The following ZDHHC11 variants were observed in gnomAD, a reference collection of about 807,000 sequenced individuals.
ZDHHC11 encodes the protein zDHHC palmitoyltransferase 11.
Under a neutral mutation model 51.3 loss-of-function variants are expected in ZDHHC11, and 44 were observed. The ratio of observed to expected loss-of-function variants is 0.86; its 90% CI spans 0.67 to 1.10. The LOEUF (loss-of-function observed/expected upper bound fraction) is 1.10. ZDHHC11 is among the 50% of genes least tolerant of loss of function. The pLI, the probability that ZDHHC11 is intolerant of heterozygous loss-of-function variation, is 0.00. For missense variants in ZDHHC11, 400 were observed against 537.7 expected, an observed-to-expected ratio of 0.74 and a Z score of 2.53; for synonymous variants, 163 against 222.0, an observed-to-expected ratio of 0.73 and a Z score of 2.36.
chr5:841,300 G>A, intron 4 of ZDHHC11: 1 of 997,814 alleles, frequency 1.0e-6, no homozygotes, highest in East Asian at 1.1e-4. Context: ...CTTACTAAGT[G>A]CCAGGGTCAC....
At chr5:829,134 G>T (rs1579667484) in intron 7 of ZDHHC11, among the ~76,000 whole-genome samples, 1 of 141,396 alleles carries the variant, frequency 7.1e-6, no homozygotes, top group African/African-American at 2.6e-5. Context: ...CAGAAGAAAA[G>T]TAATAACGAA....
intron 4 of ZDHHC11, chr5:840,912 C>G (rs1744750196): frequency 5.7e-6 from 8 of 1,414,902 alleles, no homozygotes; most frequent in Non-Finnish European, 7.4e-6. Context: ...GTCACAGTGC[C>G]CACCCCTTCC....
rs1031144536 is a variant in ZDHHC11 at position 821,529 on chromosome 5, C to T, written c.1058+332G>A. ...ATCAAGTGAAAGCGTGCAGGGCTCA[C>T]GGCAGACAGGAGACAGGGCTGATGT... is the stretch of plus-strand genomic sequence containing the variant. On this transcript the variant is annotated intron_variant, in intron 9 of 12. Transcript: ENST00000283441. Among the ~76,000 whole-genome samples the T allele has an allele frequency of 3.6e-4, 55 of 151,474 alleles. 1 individual carries two copies. The highest frequency in any genetic ancestry group is 1.3e-3 in the African/African-American group (53 of 41,370).
intron 1 of ZDHHC11, among the ~76,000 whole-genome samples, chr5:856,298 CACAAG>C (rs1560873152): frequency 6.8e-6 from 1 of 146,592 alleles, no homozygotes; most frequent in African/African-American, 2.7e-5. Flanking sequence ...ACAACACACA[CACAAG>C]ACACCACACA....
At chr5:852,813 A>G (rs568793666), upstream of ZDHHC11, among the ~76,000 whole-genome samples, 7 of 148,852 alleles carry the variant, frequency 4.7e-5, no homozygotes, top group African/African-American at 1.5e-4. Flanking sequence ...CAGCGGGGAC[A>G]GACCCCACGG....
At chr5:804,540 A>G (rs1470858325) in intron 11 of ZDHHC11, among the ~76,000 whole-genome samples, 2 of 151,340 alleles carry the variant, frequency 1.3e-5, no homozygotes, top group Admixed American at 6.6e-5. Context: ...AAAGATCTAC[A>G]CCAAGACACA....
In ZDHHC11 at chr5:840,500, T is replaced by C. The variant is rs1348905474; in HGVS notation, c.779A>G (p.Tyr260Cys). 1.9e-6 allele frequency: 3 copies of C among 1,613,560 alleles called. No homozygotes were observed. Among genetic ancestry groups the C allele is most frequent in the Non-Finnish European group, 2.5e-6 (3 of 1,179,874 alleles). Residue 260 changes from tyrosine to cysteine, a missense_variant, in exon 5 of 13, where the codon TAC (tyrosine) becomes TGC (cysteine). Tyr to Cys is a radical substitution (Grantham distance 194). This residue lies in a region of ZDHHC11 where 231 missense variants were observed against 227.4 expected (regional missense o/e 1.02). Transcript: ENST00000283441. The stretch of plus-strand genomic sequence containing the variant: ...GCTTAGGGTGGGGGACATACTCAGG[T>C]AGATGTGGAAGATGAGCAGCTGGCC... ...HLGQLLIFHI[Y>C]LKAKKMTTFE...
intron 5 of ZDHHC11, chr5:840,205 G>C (rs1396098264): frequency 5.8e-6 from 4 of 693,608 alleles, no homozygotes; most frequent in Non-Finnish European, 1.1e-5. Flanking sequence ...TTTTAAACTT[G>C]TTACTTCAAG....
chr5:857,842 TTA>T (rs1187940052), intron 1 of ZDHHC11, among the ~76,000 whole-genome samples: 3 of 147,520 alleles, frequency 2.0e-5, no homozygotes, highest in Admixed American at 6.7e-5. Context: ...CATCCTGTCT[TTA>T]TGACACCAGG....
chr5:802,169 G>A lies in ZDHHC11; in HGVS notation c.1182-1005C>T, dbSNP rs192830099. On this transcript the variant is annotated intron_variant, in intron 11 of 12. Coordinates refer to ENST00000283441, the MANE Select transcript of ZDHHC11 (RefSeq NM_024786.3). ...TAGCTGGGGGACTTGTAGGCTGAGCGGCCAGGCAGTGACTGCTGCTGCAAG... is the reference window on the plus strand; with the variant it reads ...TAGCTGGGGGACTTGTAGGCTGAGCAGCCAGGCAGTGACTGCTGCTGCAAG... 8.6e-5 allele frequency among the ~76,000 whole-genome samples: 13 copies of A among 151,298 alleles called. No individual in the cohort carries two copies. The East Asian group carries it at 9.6e-4, about 11-fold the overall frequency.
rs865840901 is a variant in ZDHHC11, at chr5:850,838, C to A, written c.-236G>T. 2.2e-4 allele frequency: 129 copies of A among 596,926 alleles called. No individual in the cohort carries two copies. The highest frequency in any genetic ancestry group is 4.5e-4 in the Middle Eastern group (1 of 2,240). 37.0% of individuals were successfully genotyped at this position (596,926 alleles called of 1,614,324 possible). On this transcript the variant is annotated 5_prime_UTR_variant, in exon 1 of 13. Coordinates refer to ENST00000283441, the MANE Select transcript of ZDHHC11 (RefSeq NM_024786.3). Reference sequence around the variant, plus strand: ...GACATGCTGCAGAATGTGACCCCGGCCAGAGCCGAGTGGCAACGGAAAACG... The same window carrying A: ...GACATGCTGCAGAATGTGACCCCGGACAGAGCCGAGTGGCAACGGAAAACG...
intron 4 of ZDHHC11, chr5:841,558 C>T: frequency 1.0e-6 from 1 of 1,001,766 alleles, no homozygotes; most frequent in Non-Finnish European, 1.2e-6. Flanking sequence ...GCCGGGGTCA[C>T]AGAGCCTGCC....
intron 10 of ZDHHC11, among the ~76,000 whole-genome samples, chr5:817,792 A>G (rs772655395): frequency 1.3e-5 from 2 of 151,226 alleles, no homozygotes; most frequent in Non-Finnish European, 3.0e-5. Flanking sequence ...CCTTCCATTT[A>G]AGCCAAACAC....
At chr5:852,683 G>GC (rs2150486221), upstream of ZDHHC11, among the ~76,000 whole-genome samples, 1 of 146,306 alleles carries the variant, frequency 6.8e-6, no homozygotes, top group East Asian at 2.0e-4. Context: ...GAGCCGGGGG[G>GC]ACAGACCACA....
intron 11 of ZDHHC11, among the ~76,000 whole-genome samples, chr5:812,744 C>A (rs925007800): frequency 6.6e-6 from 1 of 151,396 alleles, no homozygotes; most frequent in Non-Finnish European, 1.5e-5. Context: ...GTGCTTCTTG[C>A]AATTTTGTTT....
intron 10 of ZDHHC11, among the ~76,000 whole-genome samples, chr5:817,706 T>A (rs544665349): frequency 6.6e-6 from 1 of 151,542 alleles, no homozygotes; most frequent in African/African-American, 2.4e-5. Flanking sequence ...TGTGTGTGTT[T>A]GGCATGTGGT....
chr5:853,672 C>T (rs142591844), upstream of ZDHHC11, among the ~76,000 whole-genome samples: 302 of 112,960 alleles, frequency 2.7e-3, 2 homozygotes, highest in African/African-American at 9.8e-3. Context: ...CAGCGAGCCA[C>T]GGGGACAGAC....
intron 10 of ZDHHC11, among the ~76,000 whole-genome samples, chr5:815,905 G>C (rs753691672): frequency 2.0e-5 from 3 of 151,586 alleles, no homozygotes; most frequent in Non-Finnish European, 4.4e-5. Flanking sequence ...CACTGTGCCT[G>C]GCTTATCTTG....
At chr5:820,979 T>TG in intron 9 of ZDHHC11, among the ~76,000 whole-genome samples, 1 of 151,390 alleles carries the variant, frequency 6.6e-6, no homozygotes, top group South Asian at 2.1e-4. Flanking sequence ...TTCAATTTGA[T>TG]GGGGAAAGGT....
Sources: allele counts gnomAD v4.1 joint callset (sites outside exome capture counted in the v4.1 genomes callset), GRCh38; gene constraint gnomAD v4.1.1; regional missense constraint gnomAD v4.1.1; transcripts MANE v1.5; gene names NCBI Gene and HGNC (gene_info 2026-07-23, HGNC 2026-07-21).